TNIK: variants seen among roughly 807,000 people sequenced by gnomAD.
TNIK encodes TRAF2 and NCK interacting kinase.
TNIK carries 49 observed loss-of-function variants against 191.3 expected under a neutral mutation model. The observed-to-expected ratio is 0.26, with a 90% CI of 0.20 to 0.32. The LOEUF is 0.32. Ranked by LOEUF, TNIK falls within the 10% of genes least tolerant of loss-of-function variation. TNIK has a pLI of 1.00. For synonymous variants in TNIK, 594 were observed against 600.9 expected (o/e 0.99, Z 0.17); for missense variants, 1,155 against 1,702.3 (o/e 0.68, Z 5.66).
chr3:171,248,061 A>G (rs559816560), intron 2 of TNIK, among the ~76,000 whole-genome samples: 27 of 152,310 alleles, frequency 1.8e-4, no homozygotes, highest in African/African-American at 6.5e-4. Flanking sequence ...CCTCTCACAC[A>G]GAGGGAAAAG....
chr3:171,255,845 A>G (rs1232739710), intron 2 of TNIK, among the ~76,000 whole-genome samples: 1 of 152,140 alleles, frequency 6.6e-6, no homozygotes, highest in Non-Finnish European at 1.5e-5. Flanking sequence ...ATGCCACAAC[A>G]GTTTCTCTAC....
chr3:171,082,535 A>G (rs1720827891), intron 26 of TNIK, 141 bp from the exon 27 acceptor site: 1 of 909,794 alleles, frequency 1.1e-6, no homozygotes, highest in Non-Finnish European at 1.6e-6. Context: ...TAATGAATGT[A>G]GAAGCTCTGA....
At chr3:171,456,943 A>C (rs1728859849) in intron 1 of TNIK, among the ~76,000 whole-genome samples, 1 of 152,164 alleles carries the variant, frequency 6.6e-6, no homozygotes, top group Non-Finnish European at 1.5e-5. Context: ...TCCCCTTGTT[A>C]CTGTGTGACC....
At chr3:171,161,521 T>C (rs940991619) in intron 10 of TNIK, among the ~76,000 whole-genome samples, 185 bp from the exon 11 acceptor site, 4 of 152,246 alleles carry the variant, frequency 2.6e-5, no homozygotes, top group Non-Finnish European at 5.9e-5. Flanking sequence ...CATTCAAGGC[T>C]GTCTCGGCTG....
intron 2 of TNIK, among the ~76,000 whole-genome samples, chr3:171,304,154 C>A (rs1457461207): frequency 6.6e-6 from 1 of 152,070 alleles, no homozygotes; most frequent in East Asian, 1.9e-4. Flanking sequence ...TGGCCACAGT[C>A]AGATGAGAGT....
At chr3:171,405,757 G>A (rs1314555139) in intron 1 of TNIK, among the ~76,000 whole-genome samples, 2 of 152,140 alleles carry the variant, frequency 1.3e-5, no homozygotes, top group East Asian at 3.8e-4. Flanking sequence ...ATCTCCAGAA[G>A]TAAGAGTATG....
chr3:171,156,240 G>A (rs1478353050), intron 12 of TNIK, among the ~76,000 whole-genome samples: 1 of 152,168 alleles, frequency 6.6e-6, no homozygotes, highest in African/African-American at 2.4e-5. Context: ...ATTGTTGCTG[G>A]TCTGATACTG....
chr3:171,396,639 A>C (rs1194909620), intron 1 of TNIK, among the ~76,000 whole-genome samples: 4 of 151,834 alleles, frequency 2.6e-5, no homozygotes, highest in African/African-American at 7.3e-5. Flanking sequence ...GCCAGTGAAA[A>C]CTCTTCATAA....
chr3:171,427,140 A>G (rs1416770520), intron 1 of TNIK, among the ~76,000 whole-genome samples: 1 of 152,156 alleles, frequency 6.6e-6, no homozygotes, highest in Non-Finnish European at 1.5e-5. Context: ...CAGGAATCCC[A>G]CTGTTAATCT....
chr3:171,257,776 G>A (rs188587724), intron 2 of TNIK, among the ~76,000 whole-genome samples: 28 of 152,232 alleles, frequency 1.8e-4, no homozygotes, highest in African/African-American at 6.7e-4. Flanking sequence ...GTGACTTTCT[G>A]GAGAGCAGGC....
At chr3:171,389,534 A>G (rs537743132) in intron 1 of TNIK, among the ~76,000 whole-genome samples, 1 of 152,348 alleles carries the variant, frequency 6.6e-6, no homozygotes, top group African/African-American at 2.4e-5. Context: ...TGGAAACTTT[A>G]GAGCACCTGG....
At chr3:171,415,617 A>G (rs1722945303) in intron 1 of TNIK, among the ~76,000 whole-genome samples, 1 of 152,154 alleles carries the variant, frequency 6.6e-6, no homozygotes, top group African/African-American at 2.4e-5. Context: ...AACCCCTAGG[A>G]TTGGAACAGC....
intron 22 of TNIK, among the ~76,000 whole-genome samples, chr3:171,096,926 G>T (rs532721457): frequency 6.6e-6 from 1 of 152,196 alleles, no homozygotes; most frequent in East Asian, 1.9e-4. Context: ...ATAAGTAATT[G>T]GCTATCAGGA....
At chr3:171,321,000 G>T (rs938616848) in intron 2 of TNIK, among the ~76,000 whole-genome samples, 1 of 152,164 alleles carries the variant, frequency 6.6e-6, no homozygotes, top group Non-Finnish European at 1.5e-5. Context: ...CAGGGTGTCG[G>T]GTGGAAGACC....
At chr3:171,108,374 TA>T (rs372751977) in intron 19 of TNIK, among the ~76,000 whole-genome samples, 40 of 148,996 alleles carry the variant, frequency 2.7e-4, no homozygotes, top group African/African-American at 7.9e-4. Context: ...TAGTAACAAT[TA>T]AAAAAAAAAG....
intron 1 of TNIK, among the ~76,000 whole-genome samples, chr3:171,373,287 G>A (rs1716775208): frequency 1.8e-5 from 1 of 56,126 alleles, no homozygotes; most frequent in Non-Finnish European, 4.5e-5. Flanking sequence ...CACTACTCCT[G>A]TTGAAAATAT....
At chr3:171,435,721 T>C (rs1159385944) in intron 1 of TNIK, among the ~76,000 whole-genome samples, 1 of 152,228 alleles carries the variant, frequency 6.6e-6, no homozygotes, top group Admixed American at 6.5e-5. Context: ...GGGGCTTACA[T>C]AGCATTTTCT....
chr3:171,069,030 C>A, intron 29 of TNIK, 33 bp from the exon 30 acceptor site: 4 of 1,575,110 alleles, frequency 2.5e-6, no homozygotes, highest in Non-Finnish European at 3.4e-6. Flanking sequence ...ATCCGCATCA[C>A]TCAAAGAGGC....
intron 2 of TNIK, among the ~76,000 whole-genome samples, chr3:171,293,960 C>G (rs1484105969): frequency 1.3e-5 from 2 of 152,182 alleles, no homozygotes; most frequent in African/African-American, 2.4e-5. Context: ...CGCAGTGGCT[C>G]AAGCCTGTAA....
Sources: allele counts gnomAD v4.1 joint callset (sites outside exome capture counted in the v4.1 genomes callset), GRCh38; gene constraint gnomAD v4.1.1; transcripts MANE v1.5; gene names NCBI Gene and HGNC (gene_info 2026-07-23, HGNC 2026-07-21).